The following ZBBX variants were observed in gnomAD, a reference collection of about 807,000 sequenced individuals.
ZBBX encodes zinc finger B-box domain containing, also known as zinc finger B-box domain-containing protein 1.
ZBBX carries 101 observed loss-of-function variants against 108.5 expected under a neutral mutation model. That is an observed-to-expected ratio of 0.93 (90% CI 0.79 to 1.10). The LOEUF is 1.10. Ranked by LOEUF, ZBBX falls within the 50% of genes least tolerant of loss-of-function variation. ZBBX has a pLI of 0.00. For synonymous variants in ZBBX, 356 were observed against 323.4 expected, an observed-to-expected ratio of 1.10 and a Z score of -1.08; for missense variants, 1,009 against 941.4, an observed-to-expected ratio of 1.07 and a Z score of -0.94.
intron 18 of ZBBX, among the ~76,000 whole-genome samples, chr3:167,292,577 A>G (rs891527558): frequency 1.3e-5 from 2 of 152,180 alleles, no homozygotes; most frequent in Non-Finnish European, 2.9e-5. Context: ...ATATAGTACT[A>G]AATGTCCTCA....
At chr3:167,342,792 T>C (rs1740766198) in intron 9 of ZBBX, among the ~76,000 whole-genome samples, 1 of 149,990 alleles carries the variant, frequency 6.7e-6, no homozygotes, top group South Asian at 2.1e-4. Flanking sequence ...GTAAGTGTTA[T>C]TACCACAAAA....
chr3:167,292,751 T>C (rs926323699), intron 18 of ZBBX, among the ~76,000 whole-genome samples: 1 of 151,938 alleles, frequency 6.6e-6, no homozygotes, highest in Non-Finnish European at 1.5e-5. Context: ...AAAAAACCAA[T>C]GAATCCAGGA....
chr3:167,244,222 T>C (rs1429404479), intron 20 of ZBBX, among the ~76,000 whole-genome samples: 1 of 152,198 alleles, frequency 6.6e-6, no homozygotes, highest in Non-Finnish European at 1.5e-5. Flanking sequence ...ATCACTCTGT[T>C]CCAGAATCTA....
chr3:167,347,480 A>C (rs1443324796), intron 9 of ZBBX, among the ~76,000 whole-genome samples: 1 of 152,068 alleles, frequency 6.6e-6, no homozygotes, highest in Admixed American at 6.6e-5. Flanking sequence ...TAAGCCAGAC[A>C]CAGAAAGAAA....
chr3:167,235,576 T>G (rs930327989), downstream of ZBBX, among the ~76,000 whole-genome samples: 44 of 151,522 alleles, frequency 2.9e-4, no homozygotes, highest in African/African-American at 9.9e-4. Flanking sequence ...ACATATTGAT[T>G]CCTTCTGGCA....
chr3:167,314,356 T>C (rs1735082189), intron 15 of ZBBX, among the ~76,000 whole-genome samples: 1 of 152,176 alleles, frequency 6.6e-6, no homozygotes, highest in Admixed American at 6.5e-5. Context: ...AAAATTTCAG[T>C]TGAAAGTTTG....
chr3:167,200,719 C>T, the ZBBX span, among the ~76,000 whole-genome samples: 2 of 141,690 alleles, frequency 1.4e-5, no homozygotes, highest in African/African-American at 2.5e-5. Flanking sequence ...GAAGTAAATA[C>T]GCTCTGTTTC....
the ZBBX span, among the ~76,000 whole-genome samples, chr3:167,196,595 T>G: frequency 5.9e-5 from 9 of 152,316 alleles, no homozygotes; most frequent in African/African-American, 2.2e-4. Flanking sequence ...CCCAGACTTA[T>G]CAACTGTTAA....
rs1045339357 is a variant in ZBBX, at chr3:167,317,495, A to G, written c.1086T>C (p.Asp362=). ...AQCSQNENDE[D]SDGEETKVQH... is the part of the protein sequence containing the mutation. ...AATCAAGTATGAACTAACCATCACT[A>G]TCTTCATCGTTTTCATTTTGAGAAC... Residue 362 remains aspartate, a synonymous_variant, in exon 13 of 22, where the codon GAT becomes GAC. Coordinates refer to ENST00000675490, the MANE Select transcript of ZBBX (RefSeq NM_001199201.2). 3.1e-6 allele frequency: 5 copies of G among 1,605,820 alleles called. No homozygotes were observed. The highest frequency in any genetic ancestry group is 1.7e-4 in the Middle Eastern group (1 of 6,044).
chr3:167,403,733 T>C (rs1470489125), intron 1 of ZBBX, among the ~76,000 whole-genome samples: 2 of 152,016 alleles, frequency 1.3e-5, no homozygotes, highest in Non-Finnish European at 2.9e-5. Context: ...TAGAATATGG[T>C]AGGTTAAATG....
chr3:167,315,443 A>G (rs2108285020), intron 15 of ZBBX, among the ~76,000 whole-genome samples: 1 of 152,304 alleles, frequency 6.6e-6, no homozygotes, highest in South Asian at 2.1e-4. Flanking sequence ...CTCATATGAA[A>G]CATATCAAAG....
chr3:167,397,517 T>TTAA (rs1748285736), intron 1 of ZBBX, among the ~76,000 whole-genome samples: 2 of 151,994 alleles, frequency 1.3e-5, no homozygotes, highest in Admixed American at 1.3e-4. Flanking sequence ...GTCTCATATA[T>TTAA]TAATATTTCA....
chr3:167,315,479 A>T (rs939957053), intron 15 of ZBBX, among the ~76,000 whole-genome samples: 8 of 152,170 alleles, frequency 5.3e-5, no homozygotes, highest in African/African-American at 1.7e-4. Context: ...AGAGGATAAC[A>T]ACCCCTAAGT....
At chr3:167,365,111 T>A in intron 6 of ZBBX, among the ~76,000 whole-genome samples, 1 of 151,916 alleles carries the variant, frequency 6.6e-6, no homozygotes, top group South Asian at 2.1e-4. Flanking sequence ...ACTTTTATAA[T>A]TGATTTTTCC....
intron 17 of ZBBX, among the ~76,000 whole-genome samples, chr3:167,299,390 C>A (rs536989180): frequency 6.6e-6 from 1 of 152,170 alleles, no homozygotes; most frequent in African/African-American, 2.4e-5. Context: ...ATTCTCAGCA[C>A]ATATCCCCTG....
At chr3:167,267,803 G>T (rs1725823033) in intron 20 of ZBBX, among the ~76,000 whole-genome samples, 1 of 152,094 alleles carries the variant, frequency 6.6e-6, no homozygotes, top group African/African-American at 2.4e-5. Flanking sequence ...CGACAATGAA[G>T]ACTCAAAAAA....
At chr3:167,365,735 T>C in intron 6 of ZBBX, 151 bp downstream of exon 6, 1 of 457,928 alleles carries the variant, frequency 2.2e-6, no homozygotes, top group Admixed American at 4.1e-5. Flanking sequence ...AAGTTGCATA[T>C]TACCCTGCAA....
intron 20 of ZBBX, among the ~76,000 whole-genome samples, chr3:167,262,495 G>A (rs1724726164): frequency 6.6e-6 from 1 of 152,076 alleles, no homozygotes; most frequent in South Asian, 2.1e-4. Context: ...TCAGGTTCTG[G>A]GCTTCTTTAT....
intron 17 of ZBBX, among the ~76,000 whole-genome samples, chr3:167,299,026 G>A (rs1440649286): frequency 1.3e-5 from 2 of 152,110 alleles, no homozygotes; most frequent in Admixed American, 6.6e-5. Context: ...ATATAGGTCT[G>A]CCTGATTTGA....
Sources: gnomAD v4.1 joint callset for allele counts (sites outside exome capture counted in the v4.1 genomes callset) on GRCh38, gnomAD v4.1.1 for gene constraint, MANE v1.5 for transcripts, NCBI Gene and HGNC (gene_info 2026-07-23, HGNC 2026-07-21) for gene names.